The following ATP2B4 variants were observed in gnomAD, a reference collection of about 807,000 sequenced individuals.
ATP2B4 encodes ATPase plasma membrane Ca2+ transporting 4, also known as plasma membrane calcium-transporting ATPase 4.
ATP2B4 carries 39 observed loss-of-function variants against 110.3 expected under a neutral mutation model. That is an observed-to-expected ratio of 0.35 (90% CI 0.27 to 0.46). The LOEUF is 0.46. Among genes scored for constraint, ATP2B4 ranks in the 20% least tolerant of loss-of-function variants. The pLI, the probability that ATP2B4 is intolerant of heterozygous loss-of-function variation, is 1.00. For missense variants in ATP2B4, 1,135 were observed against 1,530.9 expected (o/e 0.74, Z 4.32); for synonymous variants, 538 against 571.7 (o/e 0.94, Z 0.84).
At chr1:203,731,644 G>T (rs551749229) in intron 20 of ATP2B4, among the ~76,000 whole-genome samples, 13 of 151,992 alleles carry the variant, frequency 8.6e-5, no homozygotes, top group African/African-American at 2.9e-4. Context: ...AAGGTCAGGA[G>T]TTCGAGACCA....
chr1:203,645,661 G>T (rs760389182), intron 1 of ATP2B4, among the ~76,000 whole-genome samples: 1 of 147,924 alleles, frequency 6.8e-6, no homozygotes, highest in Non-Finnish European at 1.5e-5. Context: ...GCATAATCTC[G>T]GCTCACTGCA....
Position 203,630,801 on chromosome 1 carries a change from C to G in ATP2B4, c.-465+3582C>G, listed in dbSNP as rs150172566. 3.8e-3 allele frequency among the ~76,000 whole-genome samples: 586 copies of G among 152,298 alleles called. 7 individuals carry two copies. The highest frequency in any genetic ancestry group is 0.013 in the African/African-American group (557 of 41,566). On this transcript the variant is annotated intron_variant, in intron 1 of 20. Coordinates refer to ENST00000357681, the MANE Select transcript of ATP2B4 (RefSeq NM_001684.5). ...GGAAAGAGGGATGAGAAAAGCAAGG[C>G]CTCTGCCTTGTCAGACTGGGATGAC... is the stretch of plus-strand genomic sequence containing the variant.
intron 1 of ATP2B4, among the ~76,000 whole-genome samples, chr1:203,645,752 G>A (rs1277876684): frequency 1.3e-5 from 2 of 151,850 alleles, no homozygotes; most frequent in Non-Finnish European, 1.5e-5. Flanking sequence ...CACTGTGCCC[G>A]GCTAATTTTT....
Position 203,698,712 on chromosome 1 carries a change from G to A in ATP2B4, c.391+358G>A, listed in dbSNP as rs139699036. ...AGGCTGGGTGCAGCAGCTTAATCTGGGCTCACTGCAACCTCCTGGGTTCAA... is the reference window on the plus strand; with the variant it reads ...AGGCTGGGTGCAGCAGCTTAATCTGAGCTCACTGCAACCTCCTGGGTTCAA... On this transcript the variant is annotated intron_variant, in intron 3 of 20. Transcript: ENST00000357681. Among the ~76,000 whole-genome samples the A allele has an allele frequency of 4.8e-3, 729 of 151,832 alleles. 4 individuals carry two copies. Among genetic ancestry groups the A allele is most frequent in the African/African-American group, 0.016 (674 of 41,384 alleles).
intron 15 of ATP2B4, among the ~76,000 whole-genome samples, chr1:203,717,308 T>C (rs906949773): frequency 5.9e-5 from 9 of 152,206 alleles, no homozygotes; most frequent in Non-Finnish European, 1.3e-4. Context: ...TTTTTTAAAA[T>C]GATGAGTTGA....
chr1:203,685,133 G>T (rs905142384), intron 2 of ATP2B4, among the ~76,000 whole-genome samples: 1 of 152,188 alleles, frequency 6.6e-6, no homozygotes, highest in African/African-American at 2.4e-5. Context: ...TTACAGGTAT[G>T]AGCCACTGCG....
intron 1 of ATP2B4, among the ~76,000 whole-genome samples, chr1:203,646,225 T>C (rs1268174486): frequency 9.1e-6 from 1 of 109,390 alleles, no homozygotes; most frequent in African/African-American, 3.3e-5. Context: ...ATCTTCCCTT[T>C]CAAAAAAAGA....
intron 20 of ATP2B4, among the ~76,000 whole-genome samples, chr1:203,730,915 G>A (rs1365425732): frequency 3.3e-5 from 5 of 152,128 alleles, no homozygotes; most frequent in African/African-American, 9.7e-5. Flanking sequence ...GATCCCTGAG[G>A]TCCGCTCCCA....
chr1:203,713,075 C>T, intron 13 of ATP2B4, 90 bp from the exon 14 acceptor site: 3 of 1,391,524 alleles, frequency 2.2e-6, no homozygotes, highest in Non-Finnish European at 2.0e-6. Context: ...TACCCAATCT[C>T]CCAGTGACTC....
At chr1:203,641,699 C>T (rs1484601570) in intron 1 of ATP2B4, among the ~76,000 whole-genome samples, 5 of 152,128 alleles carry the variant, frequency 3.3e-5, no homozygotes, top group Admixed American at 6.5e-5. Context: ...GCTAACACTC[C>T]GTGAGTTAAA....
At chr1:203,637,812 A>G (rs377500590) in intron 1 of ATP2B4, among the ~76,000 whole-genome samples, 19 of 152,348 alleles carry the variant, frequency 1.2e-4, no homozygotes, top group African/African-American at 4.6e-4. Context: ...CTTGTGTCCC[A>G]AATGCCCTGC....
intron 1 of ATP2B4, among the ~76,000 whole-genome samples, chr1:203,674,619 G>A (rs542101612): frequency 2.8e-5 from 4 of 140,854 alleles, no homozygotes; most frequent in Non-Finnish European, 3.0e-5. Flanking sequence ...GATCACAGGC[G>A]TGCAACACCA....
At chr1:203,653,620 C>G (rs1339979879) in intron 1 of ATP2B4, among the ~76,000 whole-genome samples, 1 of 152,070 alleles carries the variant, frequency 6.6e-6, no homozygotes, top group African/African-American at 2.4e-5. Context: ...TCTGAAAATC[C>G]TAGGGTCTTT....
intron 1 of ATP2B4, among the ~76,000 whole-genome samples, chr1:203,670,787 T>C (rs1664639173): frequency 6.6e-6 from 1 of 152,240 alleles, no homozygotes; most frequent in Non-Finnish European, 1.5e-5. Context: ...GGCTGTCAGT[T>C]AGGACTTTAA....
intron 6 of ATP2B4, among the ~76,000 whole-genome samples, chr1:203,701,202 C>A (rs377632070): frequency 4.1e-4 from 62 of 151,850 alleles, no homozygotes; most frequent in Middle Eastern, 6.8e-3. Flanking sequence ...ATAAAGCCTG[C>A]CCTAAATAAA....
intron 1 of ATP2B4, among the ~76,000 whole-genome samples, chr1:203,671,453 A>G (rs898039375): frequency 6.6e-6 from 1 of 151,632 alleles, no homozygotes; most frequent in Non-Finnish European, 1.5e-5. Context: ...GAGCCACCGC[A>G]CCTGCCTCTC....
At chr1:203,702,708 G>A (rs1195992350) in intron 7 of ATP2B4, among the ~76,000 whole-genome samples, 2 of 152,186 alleles carry the variant, frequency 1.3e-5, no homozygotes, top group Non-Finnish European at 2.9e-5. Flanking sequence ...TGACAGCAGG[G>A]ACTACTCAGG....
At chr1:203,634,869 G>T (rs1052874532) in intron 1 of ATP2B4, among the ~76,000 whole-genome samples, 9 of 152,090 alleles carry the variant, frequency 5.9e-5, no homozygotes, top group Admixed American at 2.0e-4. Flanking sequence ...TCACCGTGTT[G>T]TCCAGATTGG....
At chr1:203,661,294 C>T (rs1046982246) in intron 1 of ATP2B4, among the ~76,000 whole-genome samples, 4 of 152,124 alleles carry the variant, frequency 2.6e-5, no homozygotes, top group African/African-American at 9.7e-5. Context: ...GTGGCTTCTG[C>T]CAAAGTCGGG....
Sources: gnomAD v4.1 joint callset for allele counts (sites outside exome capture counted in the v4.1 genomes callset) on GRCh38, gnomAD v4.1.1 for gene constraint, MANE v1.5 for transcripts, NCBI Gene and HGNC (gene_info 2026-07-23, HGNC 2026-07-21) for gene names.